LDHB: variants seen among roughly 807,000 people sequenced by gnomAD.
LDHB encodes the protein lactate dehydrogenase B, also known as L-lactate dehydrogenase B chain.
Under a neutral mutation model 33.4 loss-of-function variants are expected in LDHB, and 18 were observed. The ratio of observed to expected loss-of-function variants is 0.54; its 90% CI spans 0.37 to 0.80. The LOEUF (loss-of-function observed/expected upper bound fraction) is 0.80, where lower values mean the gene tolerates loss of function less well. LDHB is among the 30% of genes least tolerant of loss of function. LDHB has a pLI of 0.00. For synonymous variants in LDHB, 121 were observed against 140.6 expected (o/e 0.86, Z 0.98); for missense variants, 345 against 407.9 (o/e 0.85, Z 1.33).
At chr12:21,639,216 T>G (rs1391610071) in intron 5 of LDHB, among the ~76,000 whole-genome samples, 1 of 151,996 alleles carries the variant, frequency 6.6e-6, no homozygotes, top group African/African-American at 2.4e-5. Flanking sequence ...ATGAAAATTA[T>G]GAAATCTGCA....
At chr12:21,647,948 C>T (rs1193686035) in intron 2 of LDHB, among the ~76,000 whole-genome samples, 7 of 152,160 alleles carry the variant, frequency 4.6e-5, no homozygotes, top group South Asian at 4.2e-4. Flanking sequence ...CCACCCGCCC[C>T]GGCCTCCCAA....
intron 2 of LDHB, among the ~76,000 whole-genome samples, chr12:21,650,749 G>A (rs1037833620): frequency 2.6e-5 from 4 of 152,172 alleles, no homozygotes; most frequent in South Asian, 2.1e-4. Context: ...GTAATAGCAG[G>A]AGTATTCATT....
Position 21,643,942 on chromosome 12 carries a change from G to A in LDHB, c.414C>T (p.Ser138=). The change falls in exon 4 of 8, where the codon TCC becomes TCT. Residue 138 remains serine, a synonymous_variant. Transcript: ENST00000350669. The part of the protein sequence containing the change: ...YSPDCIIIVV[S]NPVDILTYVT... ...TAAAGTATACAATAATACCTGGGTTGGAAACCACAATTATGATGCAATCAG... is the reference window on the plus strand; with the variant it reads ...TAAAGTATACAATAATACCTGGGTTAGAAACCACAATTATGATGCAATCAG... 2 of 1,607,160 alleles carry A rather than the reference G, an allele frequency of 1.2e-6. No individual in the cohort carries two copies. Among genetic ancestry groups the A allele is most frequent in the Non-Finnish European group, 1.7e-6 (2 of 1,173,758 alleles).
At chr12:21,645,184 T>TA (rs1938485470) in intron 3 of LDHB, among the ~76,000 whole-genome samples, 1 of 152,106 alleles carries the variant, frequency 6.6e-6, no homozygotes, top group Non-Finnish European at 1.5e-5. Context: ...ACATGCTTGT[T>TA]AAGAGTCATC....
intron 2 of LDHB, among the ~76,000 whole-genome samples, chr12:21,648,254 C>G (rs1938582851): frequency 6.6e-6 from 1 of 151,982 alleles, no homozygotes; most frequent in South Asian, 2.1e-4. Context: ...TTAAAAATGC[C>G]AATACAGTCA....
rs367969564 is a variant in LDHB, at chr12:21,636,614, A to C, written c.837+457T>G. On this transcript the variant is annotated intron_variant, in intron 7 of 7. Coordinates refer to ENST00000350669, the MANE Select transcript of LDHB (RefSeq NM_002300.8). The stretch of plus-strand genomic sequence containing the variant: ...GGAAAATGAGTCAGTTGTCTTACAA[A>C]ATATTTTAATATAATTTTAGTTTTG... 1.4e-4 allele frequency among the ~76,000 whole-genome samples: 21 copies of C among 152,242 alleles called. 2 individuals carry two copies. The highest frequency in any genetic ancestry group is 6.5e-4 in the Admixed American group (10 of 15,284).
At chr12:21,645,398 G>A (rs936078131) in intron 3 of LDHB, among the ~76,000 whole-genome samples, 1 of 152,132 alleles carries the variant, frequency 6.6e-6, no homozygotes, top group Admixed American at 6.5e-5. Context: ...GGTCTGTGCC[G>A]AGGAGGATTA....
chr12:21,637,147 C>T lies in LDHB; in HGVS notation c.761G>A (p.Gly254Glu). The T allele has an allele frequency of 6.2e-7, 1 of 1,603,870 alleles. No homozygotes were observed. The highest frequency in any genetic ancestry group is 1.1e-5 in the South Asian group (1 of 90,864). The change falls in exon 7 of 8, where the codon GGA becomes GAA. Residue 254 changes from glycine (G) to glutamate (E), a missense_variant. Coordinates refer to ENST00000350669, the MANE Select transcript of LDHB (RefSeq NM_002300.8). ...TTCAATAAGATCAGCCACACTTAAT[C>T]CAATAGCCCAGTTGGTATATCCTTT... ...KLKGYTNWAIGLSVADLIESM... is the reference protein window; with the variant it reads ...KLKGYTNWAIELSVADLIESM...
At chr12:21,640,297 TTAAAA>T (rs1267003509) in intron 5 of LDHB, among the ~76,000 whole-genome samples, 1 of 151,102 alleles carries the variant, frequency 6.6e-6, no homozygotes, top group Non-Finnish European at 1.5e-5. Context: ...AAATATTAAT[TTAAAA>T]TAAAACATTT....
intron 1 of LDHB, among the ~76,000 whole-genome samples, chr12:21,655,361 A>G (rs1938811304): frequency 6.6e-6 from 1 of 152,246 alleles, no homozygotes; most frequent in South Asian, 2.1e-4. Context: ...GTTTGGGTCT[A>G]GTATTGACTC....
At chr12:21,657,142 A>C (rs1480786077) in intron 1 of LDHB, 1 of 152,188 alleles carries the variant, frequency 6.6e-6, no homozygotes, top group African/African-American at 2.4e-5. Context: ...GGAGCACCCA[A>C]GGCTGGTAAA....
At chr12:21,654,420 C>T (rs1437367203) in intron 2 of LDHB, 123 bp downstream of exon 2, 11 of 894,676 alleles carry the variant, frequency 1.2e-5, no homozygotes, top group Non-Finnish European at 1.4e-5. Context: ...ATTACATCTA[C>T]AACTTCAAAT....
intron 6 of LDHB, among the ~76,000 whole-genome samples, chr12:21,638,088 T>G (rs368008799): frequency 3.3e-5 from 5 of 152,020 alleles, no homozygotes; most frequent in Non-Finnish European, 7.4e-5. Context: ...AGGTGGCAAT[T>G]TGAAGACTCT....
intron 2 of LDHB, among the ~76,000 whole-genome samples, chr12:21,652,515 C>A (rs903198130): frequency 2.0e-5 from 3 of 152,184 alleles, no homozygotes; most frequent in African/African-American, 7.2e-5. Flanking sequence ...TTTTTATTGG[C>A]ACGAACAGTG....
chr12:21,636,948 A>G, intron 7 of LDHB, 123 bp downstream of exon 7: 1 of 893,386 alleles, frequency 1.1e-6, no homozygotes, highest in Non-Finnish European at 1.8e-6. Context: ...AGTTTACATA[A>G]AACTTTGAGA....
chr12:21,637,682 T>C (rs1006618923), intron 6 of LDHB, among the ~76,000 whole-genome samples: 1 of 152,032 alleles, frequency 6.6e-6, no homozygotes, highest in African/African-American at 2.4e-5. Context: ...ATAAAGGCCC[T>C]GGCACTTGAG....
Position 21,644,015 on chromosome 12 carries a change from T to C in LDHB, c.341A>G (p.Asn114Ser). 1 of 1,612,532 alleles carries C rather than the reference T, an allele frequency of 6.2e-7. No individual in the cohort carries two copies. The change falls in exon 4 of 8, where the codon AAT (asparagine) becomes AGT (serine). Residue 114 changes from asparagine to serine, a missense_variant. Physicochemically the swap from Asn to Ser is conservative, Grantham distance 46. Transcript: ENST00000350669. Reference sequence around the variant, plus strand: ...AATAATGAATTTGAAGACATTAACATTTCTCTGCACCAGATTGAGCCGACT... The same window carrying C: ...AATAATGAATTTGAAGACATTAACACTTCTCTGCACCAGATTGAGCCGACT... ...GESRLNLVQR[N>S]VNVFKFIIPQ...
intron 5 of LDHB, among the ~76,000 whole-genome samples, chr12:21,639,479 T>C (rs1025127489): frequency 1.4e-4 from 21 of 151,928 alleles, no homozygotes; most frequent in Admixed American, 4.6e-4. Context: ...CTAGAGGACA[T>C]GTAATATCAC....
intron 2 of LDHB, among the ~76,000 whole-genome samples, chr12:21,649,348 G>A (rs1938616828): frequency 6.6e-6 from 1 of 152,198 alleles, no homozygotes; most frequent in Non-Finnish European, 1.5e-5. Flanking sequence ...ACTGAATTTA[G>A]CTGCATCCGC....
Sources: gnomAD v4.1 joint callset for allele counts (sites outside exome capture counted in the v4.1 genomes callset) on GRCh38, gnomAD v4.1.1 for gene constraint, MANE v1.5 for transcripts, NCBI Gene and HGNC (gene_info 2026-07-23, HGNC 2026-07-21) for gene names.